The following CNTNAP5 variants were observed in gnomAD, a reference collection of about 807,000 sequenced individuals.
CNTNAP5 encodes contactin associated protein family member 5.
CNTNAP5 carries 72 observed loss-of-function variants against 150.2 expected under a neutral mutation model. The ratio of observed to expected loss-of-function variants is 0.48; its 90% CI spans 0.40 to 0.58. CNTNAP5 has a LOEUF of 0.58. CNTNAP5 is among the 20% of genes least tolerant of loss of function. The pLI is 0.00. For synonymous variants in CNTNAP5, 672 were observed against 619.8 expected, an observed-to-expected ratio of 1.08 and a Z score of -1.25; for missense variants, 1,636 against 1,626.2, an observed-to-expected ratio of 1.01 and a Z score of -0.10.
At chr2:124,218,300 T>G (rs917017029) in intron 1 of CNTNAP5, among the ~76,000 whole-genome samples, 12 of 152,090 alleles carry the variant, frequency 7.9e-5, no homozygotes, top group African/African-American at 2.9e-4. Context: ...CCATTCCCGT[T>G]TACTAGGCTA....
intron 3 of CNTNAP5, among the ~76,000 whole-genome samples, chr2:124,365,227 G>A (rs72964691): frequency 2.0e-3 from 310 of 151,594 alleles, no homozygotes; most frequent in African/African-American, 7.0e-3. Context: ...GAGATGGGAG[G>A]TCCGCTTGAG....
rs532559086 is a variant in CNTNAP5, at chr2:124,138,755, T to C, written c.83-82950T>C. 1.0e-3 allele frequency among the ~76,000 whole-genome samples: 158 copies of C among 152,192 alleles called. 2 individuals are homozygous for C. The highest frequency in any genetic ancestry group is 1.9e-3 in the Non-Finnish European group (132 of 68,020). On this transcript the variant is annotated intron_variant, in intron 1 of 23. Transcript: ENST00000682447. The stretch of plus-strand genomic sequence containing the variant: ...ATGGCTCTATTATTTGTCTAGAATC[T>C]CCGAAATACGGCATGTAAGAACCTA...
intron 1 of CNTNAP5, among the ~76,000 whole-genome samples, chr2:124,190,952 A>G (rs928010806): frequency 4.6e-5 from 7 of 152,172 alleles, no homozygotes; most frequent in African/African-American, 1.7e-4. Context: ...ATACCACTCC[A>G]TGTGTCTATT....
At chr2:124,152,472 T>C (rs1684428981) in intron 1 of CNTNAP5, among the ~76,000 whole-genome samples, 1 of 152,212 alleles carries the variant, frequency 6.6e-6, no homozygotes, top group African/African-American at 2.4e-5. Flanking sequence ...ATCTCCCTTT[T>C]GCTCATTCCT....
intron 5 of CNTNAP5, among the ~76,000 whole-genome samples, chr2:124,446,456 C>T (rs1373725881): frequency 2.0e-5 from 3 of 152,126 alleles, no homozygotes; most frequent in African/African-American, 7.2e-5. Flanking sequence ...ACAAAATCCC[C>T]ATTTTCAATC....
chr2:124,640,527 C>T (rs779589107), intron 12 of CNTNAP5, among the ~76,000 whole-genome samples: 10 of 152,224 alleles, frequency 6.6e-5, no homozygotes, highest in Middle Eastern at 3.4e-3. Flanking sequence ...CCACGTCTGC[C>T]GTGGTTTTAG....
chr2:124,139,021 G>A, intron 1 of CNTNAP5, among the ~76,000 whole-genome samples: 1 of 152,132 alleles, frequency 6.6e-6, no homozygotes, highest in African/African-American at 2.4e-5. Context: ...TGAGTCTACA[G>A]GAGGTTCCCT....
intron 1 of CNTNAP5, among the ~76,000 whole-genome samples, chr2:124,070,396 GAA>G (rs70996039): frequency 3.5e-3 from 253 of 72,954 alleles, no homozygotes; most frequent in African/African-American, 9.4e-3. Flanking sequence ...GCTGAATGGG[GAA>G]AAAAAAAAAA....
At chr2:124,442,829 G>T (rs1303663729) in intron 5 of CNTNAP5, among the ~76,000 whole-genome samples, 1 of 151,972 alleles carries the variant, frequency 6.6e-6, no homozygotes, top group Non-Finnish European at 1.5e-5. Flanking sequence ...TCAAAGAAAA[G>T]GAAATAAAAA....
At chr2:124,252,078 C>T (rs751410777) in intron 3 of CNTNAP5, among the ~76,000 whole-genome samples, 4 of 152,298 alleles carry the variant, frequency 2.6e-5, no homozygotes, top group African/African-American at 7.2e-5. Flanking sequence ...GAAGTAGACA[C>T]TTTCATGCCT....
At chr2:124,262,309 A>G (rs1352094586) in intron 3 of CNTNAP5, among the ~76,000 whole-genome samples, 1 of 152,150 alleles carries the variant, frequency 6.6e-6, no homozygotes, top group African/African-American at 2.4e-5. Flanking sequence ...TATATAATAG[A>G]AAAGTATGAT....
chr2:124,650,133 A>G (rs941936332), intron 13 of CNTNAP5, among the ~76,000 whole-genome samples: 3 of 152,202 alleles, frequency 2.0e-5, no homozygotes, highest in African/African-American at 7.2e-5. Context: ...GAGGGTCTTC[A>G]TTAATCGTCT....
intron 3 of CNTNAP5, among the ~76,000 whole-genome samples, chr2:124,271,487 G>C (rs72962884): frequency 2.6e-5 from 4 of 152,174 alleles, no homozygotes; most frequent in African/African-American, 9.6e-5. Flanking sequence ...ATGAATGTGT[G>C]GTTTGGGAAA....
intron 3 of CNTNAP5, among the ~76,000 whole-genome samples, chr2:124,393,585 A>T (rs780265544): frequency 1.3e-5 from 2 of 152,198 alleles, no homozygotes; most frequent in Non-Finnish European, 2.9e-5. Flanking sequence ...ACCCTGCTGG[A>T]CTTCTCTGCT....
intron 3 of CNTNAP5, among the ~76,000 whole-genome samples, chr2:124,320,799 G>C (rs934171492): frequency 1.3e-5 from 2 of 152,140 alleles, no homozygotes; most frequent in African/African-American, 2.4e-5. Flanking sequence ...TTGAGCCTGT[G>C]TGTGTGTGTG....
At chr2:124,843,193 A>C (rs1239959245) in intron 19 of CNTNAP5, among the ~76,000 whole-genome samples, 1 of 152,216 alleles carries the variant, frequency 6.6e-6, no homozygotes, top group East Asian at 1.9e-4. Context: ...TTATAATAAT[A>C]GTTTCCAATT....
intron 19 of CNTNAP5, among the ~76,000 whole-genome samples, chr2:124,824,025 C>T (rs573998810): frequency 2.0e-5 from 3 of 151,282 alleles, no homozygotes; most frequent in African/African-American, 7.3e-5. Flanking sequence ...TCAAGCGATT[C>T]TCCTTCCTCA....
chr2:124,107,754 A>T (rs1302974256), intron 1 of CNTNAP5, among the ~76,000 whole-genome samples: 1 of 152,202 alleles, frequency 6.6e-6, no homozygotes, highest in Non-Finnish European at 1.5e-5. Flanking sequence ...TTATTTTGTC[A>T]AGGTTAAGGA....
intron 6 of CNTNAP5, among the ~76,000 whole-genome samples, chr2:124,471,368 G>T (rs1693510281): frequency 6.6e-6 from 1 of 152,048 alleles, no homozygotes; most frequent in South Asian, 2.1e-4. Flanking sequence ...CTCTTGGCTT[G>T]CCTGTTGTTG....
Sources: gnomAD v4.1 joint callset for allele counts (sites outside exome capture counted in the v4.1 genomes callset) on GRCh38, gnomAD v4.1.1 for gene constraint, MANE v1.5 for transcripts, NCBI Gene and HGNC (gene_info 2026-07-23, HGNC 2026-07-21) for gene names.